The following RCOR3 variants were observed in gnomAD, a reference collection of about 807,000 sequenced individuals.
RCOR3 encodes REST corepressor 3.
Under a neutral mutation model 64.1 loss-of-function variants are expected in RCOR3, and 13 were observed. The ratio of observed to expected loss-of-function variants is 0.20; its 90% CI spans 0.13 to 0.32. The LOEUF (loss-of-function observed/expected upper bound fraction) is 0.32. Ranked by LOEUF, RCOR3 falls within the 10% of genes least tolerant of loss-of-function variation. RCOR3 has a pLI of 1.00. For missense variants in RCOR3, 489 were observed against 701.2 expected (o/e 0.70, Z 3.42); for synonymous variants, 215 against 239.0 (o/e 0.90, Z 0.93).
At position 211,304,152 on chromosome 1, in the gene RCOR3, A is replaced by T; in HGVS notation, c.1075+12A>T. The T allele has an allele frequency of 6.4e-7, 1 of 1,553,974 alleles. No individual in the cohort carries two copies. Among genetic ancestry groups the T allele is most frequent in the Non-Finnish European group, 8.7e-7 (1 of 1,148,260 alleles). On this transcript the variant is annotated intron_variant, in intron 10 of 11. Coordinates refer to ENST00000419091, the MANE Select transcript of RCOR3 (RefSeq NM_001136223.3). The stretch of plus-strand genomic sequence containing the variant: ...TCTAGCAGTGCAAGGTATATTAAAG[A>T]TAAGCAGTTATTGTTGTTAATAATT...
rs1694353896 is a variant in RCOR3 at position 211,261,925 on chromosome 1, A to AAAAAAAAAAC, written c.223+1770_223+1771insCAAAAAAAAA. On this transcript the variant is annotated intron_variant, in intron 2 of 11. Transcript: ENST00000419091. ...GGCAACAGAGTGAGACTCCATCTCA[A>AAAAAAAAAAC]AAAAAAAAAAAAAAAACTGAATTCA... 1.4e-5 allele frequency among the ~76,000 whole-genome samples: 2 copies of AAAAAAAAAAC among 147,560 alleles called. 1 individual carries two copies. The highest frequency in any genetic ancestry group is 4.3e-4 in the South Asian group (2 of 4,694).
intron 10 of RCOR3, among the ~76,000 whole-genome samples, chr1:211,310,468 T>C (rs549566518): frequency 9.8e-5 from 15 of 152,348 alleles, no homozygotes; most frequent in Admixed American, 8.5e-4. Context: ...TAGACTGGCA[T>C]ACATGAGTTA....
At chr1:211,309,311 A>G (rs559444388) in intron 10 of RCOR3, among the ~76,000 whole-genome samples, 1 of 152,224 alleles carries the variant, frequency 6.6e-6, no homozygotes, top group South Asian at 2.1e-4. Flanking sequence ...TTAACAAGAA[A>G]TGTTTAAAAA....
intron 2 of RCOR3, among the ~76,000 whole-genome samples, chr1:211,262,032 A>AATTTTTT (rs1558035836): frequency 7.9e-5 from 3 of 37,982 alleles, no homozygotes; most frequent in Non-Finnish European, 1.6e-4. Context: ...AGCTATAAAA[A>AATTTTTT]CTTTTTTTTT....
intron 8 of RCOR3, among the ~76,000 whole-genome samples, chr1:211,293,118 T>TAAATA (rs374581705): frequency 6.6e-6 from 1 of 151,166 alleles, no homozygotes; most frequent in Non-Finnish European, 1.5e-5. Flanking sequence ...AATAAATAAA[T>TAAATA]AAGTCTTAAT....
intron 4 of RCOR3, among the ~76,000 whole-genome samples, chr1:211,275,718 A>T (rs1317993722): frequency 6.6e-6 from 1 of 152,284 alleles, no homozygotes; most frequent in East Asian, 1.9e-4. Flanking sequence ...TGTTCTGATA[A>T]TAAGTAAATG....
At chr1:211,299,051 A>C (rs1700122498) in intron 9 of RCOR3, among the ~76,000 whole-genome samples, 1 of 152,072 alleles carries the variant, frequency 6.6e-6, no homozygotes, top group Admixed American at 6.6e-5. Flanking sequence ...TTTGTCTTTT[A>C]AATTAAGTCA....
chr1:211,276,572 C>A (rs1571853726), intron 5 of RCOR3, among the ~76,000 whole-genome samples, 154 bp downstream of exon 5: 3 of 152,270 alleles, frequency 2.0e-5, no homozygotes, highest in African/African-American at 7.2e-5. Context: ...CTGTTTTCTG[C>A]AACCACTCTT....
intron 7 of RCOR3, among the ~76,000 whole-genome samples, chr1:211,283,821 T>TG (rs577929554): frequency 1.3e-5 from 2 of 151,626 alleles, no homozygotes; most frequent in East Asian, 3.9e-4. Context: ...TATTTTTTTT[T>TG]TTTTTCACCC....
chr1:211,294,738 C>T (rs995573756), intron 8 of RCOR3, among the ~76,000 whole-genome samples: 1 of 152,026 alleles, frequency 6.6e-6, no homozygotes, highest in South Asian at 2.1e-4. Context: ...TACAGGCGTC[C>T]GCCACCACGC....
intron 8 of RCOR3, among the ~76,000 whole-genome samples, chr1:211,290,493 G>T (rs975044982): frequency 6.6e-6 from 1 of 151,810 alleles, no homozygotes. Context: ...TCTTGCTATC[G>T]CTTGCCTGAC....
intron 7 of RCOR3, among the ~76,000 whole-genome samples, chr1:211,286,469 A>G (rs878914909): frequency 6.6e-6 from 1 of 151,852 alleles, no homozygotes; most frequent in Admixed American, 6.6e-5. Flanking sequence ...CACCATGCTC[A>G]GCTTATTTTT....
intron 10 of RCOR3, among the ~76,000 whole-genome samples, chr1:211,308,690 T>TG (rs1701162375): frequency 1.4e-5 from 1 of 70,526 alleles, no homozygotes; most frequent in Non-Finnish European, 2.9e-5. Context: ...TTTTGTTTTT[T>TG]TTTTTTTTTG....
intron 8 of RCOR3, chr1:211,291,468 AT>A (rs1699233571): frequency 2.3e-6 from 1 of 432,534 alleles, no homozygotes; most frequent in Admixed American, 2.7e-5. Flanking sequence ...GGTTCCAAGC[AT>A]TTTGGATAAG....
chr1:211,290,493 G>A (rs975044982), intron 8 of RCOR3, among the ~76,000 whole-genome samples: 2 of 151,810 alleles, frequency 1.3e-5, no homozygotes, highest in African/African-American at 2.4e-5. Context: ...TCTTGCTATC[G>A]CTTGCCTGAC....
intron 9 of RCOR3, among the ~76,000 whole-genome samples, chr1:211,299,404 T>A (rs747745440): frequency 4.6e-5 from 7 of 152,166 alleles, no homozygotes; most frequent in Non-Finnish European, 7.3e-5. Flanking sequence ...GATTGATGAA[T>A]CCAGAAGGAA....
At chr1:211,295,875 A>G in intron 9 of RCOR3, 122 bp downstream of exon 9, 2 of 622,212 alleles carry the variant, frequency 3.2e-6, no homozygotes, top group African/African-American at 1.8e-5. Context: ...CATAATATGG[A>G]TAATTTATTA....
intron 9 of RCOR3, among the ~76,000 whole-genome samples, chr1:211,296,699 A>G (rs1482066817): frequency 6.6e-6 from 1 of 152,286 alleles, no homozygotes; most frequent in East Asian, 1.9e-4. Flanking sequence ...AGGTTAGGTT[A>G]TGGAAAAGAG....
Position 211,307,107 on chromosome 1 carries a change from A to G in RCOR3, c.1075+2967A>G, listed in dbSNP as rs547286340. Among the ~76,000 whole-genome samples, 4 of 152,316 alleles carry G rather than the reference A, an allele frequency of 2.6e-5. No individual in the cohort carries two copies. In the South Asian group the frequency reaches 8.3e-4, roughly 32 times the overall value. ...TCCTGTTTGTAGCTTATACATATAT[A>G]CATATTTTTTCTAACCTATAATGCT... is the stretch of plus-strand genomic sequence containing the variant. On this transcript the variant is annotated intron_variant, in intron 10 of 11. Coordinates refer to ENST00000419091, the MANE Select transcript of RCOR3 (RefSeq NM_001136223.3).
Sources: allele counts gnomAD v4.1 joint callset (sites outside exome capture counted in the v4.1 genomes callset), GRCh38; gene constraint gnomAD v4.1.1; transcripts MANE v1.5; gene names NCBI Gene and HGNC (gene_info 2026-07-23, HGNC 2026-07-21).